ANKRD6: variants seen among roughly 807,000 people sequenced by gnomAD.
ANKRD6 encodes ankyrin repeat domain-containing protein 6.
ANKRD6 carries 56 observed loss-of-function variants against 82.3 expected under a neutral mutation model. The ratio of observed to expected loss-of-function variants is 0.68; its 90% CI spans 0.55 to 0.85. ANKRD6 has a LOEUF of 0.85. Ranked by LOEUF, ANKRD6 falls within the 40% of genes least tolerant of loss-of-function variation. The pLI is 0.00. For missense variants in ANKRD6, 852 were observed against 907.6 expected (o/e 0.94, Z 0.79); for synonymous variants, 347 against 352.1 (o/e 0.99, Z 0.16).
chr6:89,520,664 G>A (rs1292397506), intron 1 of ANKRD6, among the ~76,000 whole-genome samples: 1 of 152,188 alleles, frequency 6.6e-6, no homozygotes, highest in East Asian at 1.9e-4. Flanking sequence ...CACAAACCCA[G>A]CCCTTCTTGT....
chr6:89,437,605 A>T (rs534140908), intron 1 of ANKRD6, among the ~76,000 whole-genome samples: 2 of 152,314 alleles, frequency 1.3e-5, no homozygotes, highest in South Asian at 4.1e-4. Flanking sequence ...AGGCAAATTT[A>T]ATTTTAAGAG....
At chr6:89,546,907 A>G (rs941552717) in intron 1 of ANKRD6, among the ~76,000 whole-genome samples, 1 of 152,128 alleles carries the variant, frequency 6.6e-6, no homozygotes. Flanking sequence ...AGTCCTTGGC[A>G]CTTACAGGAT....
intron 1 of ANKRD6, among the ~76,000 whole-genome samples, chr6:89,508,354 G>A (rs1479026717): frequency 1.3e-5 from 2 of 152,172 alleles, no homozygotes; most frequent in African/African-American, 4.8e-5. Flanking sequence ...GATAGCTCTG[G>A]TCAGGTACAA....
intron 1 of ANKRD6, among the ~76,000 whole-genome samples, chr6:89,493,271 G>A (rs956410463): frequency 6.6e-6 from 1 of 152,096 alleles, no homozygotes; most frequent in East Asian, 1.9e-4. Context: ...TCTGTTCCTT[G>A]CCTCTTGCAG....
chr6:89,521,765 A>C (rs979882940), intron 1 of ANKRD6, among the ~76,000 whole-genome samples: 1 of 151,886 alleles, frequency 6.6e-6, no homozygotes, highest in Non-Finnish European at 1.5e-5. Flanking sequence ...TTTCCTTATT[A>C]TATAAATAAT....
intron 3 of ANKRD6, chr6:89,598,384 A>G: frequency 1.0e-6 from 1 of 985,402 alleles, no homozygotes; most frequent in South Asian, 4.7e-5. Flanking sequence ...GAAAAACCAC[A>G]GAGGGAAGGT....
chr6:89,623,787 A>G, intron 11 of ANKRD6, 85 bp from the exon 12 acceptor site: 1 of 1,442,144 alleles, frequency 6.9e-7, no homozygotes, highest in Non-Finnish European at 9.4e-7. Flanking sequence ...TCTTTGCCCA[A>G]ATGGGGTGAC....
chr6:89,528,512 A>G (rs770601737), intron 1 of ANKRD6, among the ~76,000 whole-genome samples: 1 of 152,222 alleles, frequency 6.6e-6, no homozygotes, highest in Non-Finnish European at 1.5e-5. Flanking sequence ...TATATCTTCC[A>G]CTGAAGTCTT....
intron 1 of ANKRD6, among the ~76,000 whole-genome samples, chr6:89,439,025 A>G (rs1420171086): frequency 1.3e-5 from 2 of 152,176 alleles, no homozygotes; most frequent in East Asian, 3.8e-4. Context: ...GTATAAATAA[A>G]ATGTTATGTC....
At chr6:89,584,663 A>C (rs1453690795) in intron 2 of ANKRD6, among the ~76,000 whole-genome samples, 1 of 152,236 alleles carries the variant, frequency 6.6e-6, no homozygotes, top group Non-Finnish European at 1.5e-5. Flanking sequence ...ATTATAAACT[A>C]TGATGAAGTG....
In ANKRD6 at chr6:89,433,755, A is replaced by G. The variant is rs1459696907; in HGVS notation, c.-144+380A>G. Among the ~76,000 whole-genome samples, 1 of 151,910 alleles carries G rather than the reference A, an allele frequency of 6.6e-6. No homozygotes were observed. Among genetic ancestry groups the G allele is most frequent in the Non-Finnish European group, 1.5e-5 (1 of 67,934 alleles). On this transcript the variant is annotated intron_variant, in intron 1 of 15. Coordinates refer to ENST00000339746, the MANE Select transcript of ANKRD6 (RefSeq NM_001242809.2). The surrounding 1 kb of genome is among the most constrained non-coding windows in gnomAD (Gnocchi z 4.3). ...TACCCCGCGGTCTGCGGCGCGTAGGAGGGTAGGTCCCTGGCCTGCGGCCGC... is the reference window on the plus strand; with the variant it reads ...TACCCCGCGGTCTGCGGCGCGTAGGGGGGTAGGTCCCTGGCCTGCGGCCGC...
At chr6:89,555,226 CT>C (rs1266446574) in intron 1 of ANKRD6, among the ~76,000 whole-genome samples, 20 of 151,546 alleles carry the variant, frequency 1.3e-4, no homozygotes, top group Admixed American at 1.3e-3. Flanking sequence ...AGGAATTTCT[CT>C]GGTTAGGACA....
chr6:89,513,343 A>G (rs1478491973), intron 1 of ANKRD6, among the ~76,000 whole-genome samples: 1 of 152,218 alleles, frequency 6.6e-6, no homozygotes, highest in Non-Finnish European at 1.5e-5. Flanking sequence ...GAAATTGAAT[A>G]CTGCCAAATT....
chr6:89,566,256 C>T (rs567737846), intron 1 of ANKRD6, among the ~76,000 whole-genome samples: 1 of 152,346 alleles, frequency 6.6e-6, no homozygotes, highest in East Asian at 1.9e-4. Context: ...CTGTGCCCAG[C>T]TCTCCATCTG....
chr6:89,603,525 C>T (rs1017256957), intron 4 of ANKRD6, among the ~76,000 whole-genome samples: 1 of 151,798 alleles, frequency 6.6e-6, no homozygotes, highest in Non-Finnish European at 1.5e-5. Flanking sequence ...TTCTATGGCA[C>T]CAGTGACAAC....
rs1417643768 is a variant in ANKRD6 at position 89,624,531 on chromosome 6, T to C, written c.1219-8T>C. The C allele has an allele frequency of 6.4e-7, 1 of 1,552,048 alleles. No homozygotes were observed. Among genetic ancestry groups the C allele is most frequent in the Admixed American group, 2.0e-5 (1 of 50,936 alleles). ...AAGGGATTGATTCCTTTTTTGTTTC[T>C]CTCTTAGGCACCAATAAATGGTTGT... On this transcript the variant is annotated splice_polypyrimidine_tract_variant and splice_region_variant and intron_variant, in intron 12 of 15. Transcript: ENST00000339746.
At chr6:89,565,868 T>C (rs1788406468) in intron 1 of ANKRD6, among the ~76,000 whole-genome samples, 1 of 152,262 alleles carries the variant, frequency 6.6e-6, no homozygotes, top group Non-Finnish European at 1.5e-5. Context: ...ACTTCCTTGC[T>C]GTTCTAGCAG....
intron 1 of ANKRD6, among the ~76,000 whole-genome samples, chr6:89,514,961 T>A (rs1377627832): frequency 6.6e-6 from 1 of 152,238 alleles, no homozygotes; most frequent in Non-Finnish European, 1.5e-5. Context: ...CACCTTTCCA[T>A]ATGCTTATTG....
chr6:89,585,376 A>C (rs1037678395), intron 2 of ANKRD6, among the ~76,000 whole-genome samples: 1 of 152,240 alleles, frequency 6.6e-6, no homozygotes, highest in Admixed American at 6.5e-5. Flanking sequence ...GAATGCAAGC[A>C]ATTTAATCCC....
Sources: gnomAD v4.1 joint callset for allele counts (sites outside exome capture counted in the v4.1 genomes callset) on GRCh38, gnomAD v4.1.1 for gene constraint, Gnocchi (gnomAD v3.1) non-coding constraint, MANE v1.5 for transcripts, NCBI Gene and HGNC (gene_info 2026-07-23, HGNC 2026-07-21) for gene names.